Variants in TTC17 observed in about 807,000 individuals in gnomAD.
TTC17 encodes the protein tetratricopeptide repeat domain 17.
A neutral mutation model predicts 143.8 loss-of-function variants in TTC17; 58 were observed. The ratio of observed to expected loss-of-function variants is 0.40; its 90% CI spans 0.33 to 0.50. The LOEUF (loss-of-function observed/expected upper bound fraction) is 0.50. TTC17 is among the 20% of genes least tolerant of loss of function. TTC17 has a pLI of 0.49. For synonymous variants in TTC17, 501 were observed against 497.8 expected, an observed-to-expected ratio of 1.01 and a Z score of -0.09; for missense variants, 1,273 against 1,392.5, an observed-to-expected ratio of 0.91 and a Z score of 1.37.
intron 16 of TTC17, chr11:43,436,288 C>A: frequency 7.4e-7 from 1 of 1,347,264 alleles, no homozygotes; most frequent in African/African-American, 1.5e-5. Flanking sequence ...ACCCTGTATT[C>A]TCTGTTGAGA....
At chr11:43,365,893 A>G (rs1209425686) in intron 1 of TTC17, among the ~76,000 whole-genome samples, 2 of 152,224 alleles carry the variant, frequency 1.3e-5, no homozygotes, top group Non-Finnish European at 1.5e-5. Flanking sequence ...AACTCTGTAC[A>G]TACACCTGAG....
At chr11:43,418,458 C>A (rs185705918) in intron 16 of TTC17, among the ~76,000 whole-genome samples, 5 of 152,184 alleles carry the variant, frequency 3.3e-5, no homozygotes, top group African/African-American at 1.2e-4. Flanking sequence ...TTTAAAATAC[C>A]TACTGTTTTC....
intron 11 of TTC17, among the ~76,000 whole-genome samples, chr11:43,404,725 TAAAC>T (rs1273223573): frequency 6.6e-6 from 1 of 152,198 alleles, no homozygotes; most frequent in Non-Finnish European, 1.5e-5. Flanking sequence ...TTAACAGAAT[TAAAC>T]AGCCACTTAG....
At chr11:43,426,212 C>G (rs1947024277) in intron 16 of TTC17, among the ~76,000 whole-genome samples, 1 of 152,222 alleles carries the variant, frequency 6.6e-6, no homozygotes, top group Admixed American at 6.5e-5. Context: ...TTCACCACCC[C>G]TCTCACAGTA....
chr11:43,436,970 A>G (rs564534053), intron 16 of TTC17, among the ~76,000 whole-genome samples: 4 of 152,242 alleles, frequency 2.6e-5, no homozygotes, highest in Admixed American at 6.5e-5. Flanking sequence ...TGGGTTATCC[A>G]GGATCCTAAC....
intron 21 of TTC17, among the ~76,000 whole-genome samples, chr11:43,467,881 A>C (rs1948009643): frequency 6.6e-6 from 1 of 152,126 alleles, no homozygotes; most frequent in African/African-American, 2.4e-5. Flanking sequence ...ATCCAAAAAA[A>C]AAAAAAATCC....
intron 21 of TTC17, among the ~76,000 whole-genome samples, chr11:43,478,847 C>CA (rs1413109815): frequency 6.6e-6 from 1 of 152,170 alleles, no homozygotes; most frequent in Admixed American, 6.5e-5. Flanking sequence ...AGACTGGTCT[C>CA]AAACTCCTGG....
chr11:43,391,778 T>G, intron 4 of TTC17, 43 bp from the exon 5 acceptor site: 1 of 1,595,972 alleles, frequency 6.3e-7, no homozygotes, highest in Non-Finnish European at 8.5e-7. Context: ...TGTCATCTTT[T>G]ATATCCTTTG....
chr11:43,444,813 C>T (rs1947505349), intron 18 of TTC17, among the ~76,000 whole-genome samples: 1 of 151,822 alleles, frequency 6.6e-6, no homozygotes, highest in Non-Finnish European at 1.5e-5. Context: ...CAGAGGAGCG[C>T]AGACATAAAC....
chr11:43,481,545 A>G (rs1411704367), intron 21 of TTC17, among the ~76,000 whole-genome samples: 2 of 152,112 alleles, frequency 1.3e-5, no homozygotes, highest in Non-Finnish European at 2.9e-5. Context: ...TTATAGCTCT[A>G]ATATCTTTAA....
intron 2 of TTC17, among the ~76,000 whole-genome samples, chr11:43,381,237 AG>A (rs1197930155): frequency 1.3e-5 from 2 of 152,162 alleles, no homozygotes; most frequent in Non-Finnish European, 2.9e-5. Context: ...TATGCATAGC[AG>A]TGCCAGGTAA....
At chr11:43,434,923 T>C (rs1947251773) in intron 16 of TTC17, among the ~76,000 whole-genome samples, 1 of 152,214 alleles carries the variant, frequency 6.6e-6, no homozygotes, top group Admixed American at 6.5e-5. Flanking sequence ...TTTGAGTCCA[T>C]TACATTTTCT....
chr11:43,401,056 G>A (rs1261679976), intron 9 of TTC17, among the ~76,000 whole-genome samples: 1 of 152,122 alleles, frequency 6.6e-6, no homozygotes, highest in Non-Finnish European at 1.5e-5. Context: ...TTACTGCCCA[G>A]TATATTGAAA....
intron 9 of TTC17, 39 bp from the exon 10 acceptor site, chr11:43,401,407 C>T: frequency 2.1e-6 from 3 of 1,402,620 alleles, no homozygotes; most frequent in Non-Finnish European, 3.0e-6. Context: ...GCATTGTTGA[C>T]CTTGCTCATC....
At chr11:43,366,569 TGCCAGCATGGGAATATTTAATAAA>T (rs1856352049) in intron 1 of TTC17, among the ~76,000 whole-genome samples, 1 of 151,892 alleles carries the variant, frequency 6.6e-6, no homozygotes, top group Non-Finnish European at 1.5e-5. Context: ...ACATCCACCA[TGCCAGCATGGGAATATTTAATAAA>T]GTGAAATCCC....
At chr11:43,388,574 T>C (rs1370450047) in intron 2 of TTC17, among the ~76,000 whole-genome samples, 1 of 151,794 alleles carries the variant, frequency 6.6e-6, no homozygotes, top group Non-Finnish European at 1.5e-5. Flanking sequence ...CATGGTGTCT[T>C]ATGCCGGTAG....
intron 16 of TTC17, among the ~76,000 whole-genome samples, chr11:43,415,974 A>G (rs370083079): frequency 4.0e-4 from 61 of 152,254 alleles, no homozygotes; most frequent in African/African-American, 1.3e-3. Context: ...CAGCTCTGCC[A>G]TTACTTTCTT....
At chr11:43,471,869 A>C (rs544042925) in intron 21 of TTC17, among the ~76,000 whole-genome samples, 55 of 152,346 alleles carry the variant, frequency 3.6e-4, no homozygotes, top group African/African-American at 1.3e-3. Context: ...AGGAGGACAA[A>C]AGGAATGTGT....
At chr11:43,450,362 G>T in intron 20 of TTC17, 121 bp downstream of exon 20, 1 of 1,214,460 alleles carries the variant, frequency 8.2e-7, no homozygotes, top group Non-Finnish European at 1.1e-6. Context: ...TTTTCAGTTA[G>T]GCATCACCTA....
Sources: gnomAD v4.1 joint callset for allele counts (sites outside exome capture counted in the v4.1 genomes callset) on GRCh38, gnomAD v4.1.1 for gene constraint, MANE v1.5 for transcripts, NCBI Gene and HGNC (gene_info 2026-07-23, HGNC 2026-07-21) for gene names.